ERICH6B: variants seen among roughly 807,000 people sequenced by gnomAD.
The protein encoded by ERICH6B is glutamate rich 6B, also known as glutamate-rich protein 6B.
A neutral mutation model predicts 80.0 loss-of-function variants in ERICH6B; 69 were observed. The observed-to-expected ratio is 0.86, with a 90% CI of 0.71 to 1.05. The LOEUF is 1.05. Among genes scored for constraint, ERICH6B ranks in the 50% least tolerant of loss-of-function variants. The probability of loss-of-function intolerance (pLI) is 0.00; values close to 1 mark genes in which losing one functional copy is unlikely to be tolerated. For synonymous variants in ERICH6B, 283 were observed against 291.9 expected (o/e 0.97, Z 0.31); for missense variants, 754 against 796.1 (o/e 0.95, Z 0.64).
At chr13:45,604,921 A>G (rs1322928660) in intron 2 of ERICH6B, among the ~76,000 whole-genome samples, 1 of 152,124 alleles carries the variant, frequency 6.6e-6, no homozygotes, top group Admixed American at 6.5e-5. Flanking sequence ...CAAAAGAACA[A>G]AACAAAACAA....
chr13:45,611,230 T>C (rs1251024596), intron 1 of ERICH6B, among the ~76,000 whole-genome samples: 1 of 152,200 alleles, frequency 6.6e-6, no homozygotes, highest in Admixed American at 6.5e-5. Flanking sequence ...AGCCAATGCA[T>C]TTTCCTTAAC....
intron 2 of ERICH6B, among the ~76,000 whole-genome samples, chr13:45,598,342 T>G (rs1225693700): frequency 2.0e-5 from 3 of 152,190 alleles, no homozygotes; most frequent in Admixed American, 6.5e-5. Context: ...AGTGACTGAA[T>G]GAAGGGCCAA....
chr13:45,545,090 T>A, intron 13 of ERICH6B, 105 bp from the exon 14 acceptor site: 1 of 943,000 alleles, frequency 1.1e-6, no homozygotes, highest in Non-Finnish European at 1.6e-6. Context: ...ACAGAAAGAC[T>A]GACAGGGACT....
intron 4 of ERICH6B, among the ~76,000 whole-genome samples, chr13:45,590,113 A>G (rs1876097226): frequency 6.6e-6 from 1 of 151,986 alleles, no homozygotes; most frequent in South Asian, 2.1e-4. Flanking sequence ...TCAAGGACAA[A>G]GCTTGTGACC....
Position 45,596,646 on chromosome 13 carries a change from C to A in ERICH6B, c.360G>T (p.Gly120=). 1.9e-6 allele frequency: 3 copies of A among 1,550,408 alleles called. No homozygotes were observed. Among genetic ancestry groups the A allele is most frequent in the Non-Finnish European group, 2.6e-6 (3 of 1,145,818 alleles). The change falls in exon 3 of 15, where the codon GGG becomes GGT. Residue 120 remains glycine, a synonymous_variant. Transcript: ENST00000298738. ...IEEEEYLGKE[G]YLEEEEYLGK... Reference sequence around the variant, plus strand: ...CCAGGTACTCTTCCTCCTCCAGATACCCTTCCTTCCCCAGATACTCTTCCT... The same window carrying A: ...CCAGGTACTCTTCCTCCTCCAGATAACCTTCCTTCCCCAGATACTCTTCCT...
At chr13:45,579,117 G>A (rs189895476) in intron 7 of ERICH6B, among the ~76,000 whole-genome samples, 42 of 152,330 alleles carry the variant, frequency 2.8e-4, no homozygotes, top group South Asian at 1.0e-3. Context: ...CCAGGTAGTT[G>A]TCCTGCACAT....
At chr13:45,546,875 C>T (rs2137957314) in intron 13 of ERICH6B, among the ~76,000 whole-genome samples, 1 of 152,314 alleles carries the variant, frequency 6.6e-6, no homozygotes, top group South Asian at 2.1e-4. Context: ...TCACTCAATC[C>T]CAAATCCTCC....
chr13:45,583,555 G>A (rs1875762351), intron 5 of ERICH6B, among the ~76,000 whole-genome samples: 1 of 152,158 alleles, frequency 6.6e-6, no homozygotes, highest in Non-Finnish European at 1.5e-5. Flanking sequence ...CATCTGATAT[G>A]GTTTGGCTGT....
In ERICH6B at chr13:45,544,802, A is replaced by C; in HGVS notation, c.1830T>G (p.Tyr610Ter). ...GGTTTAAACAAATCTGCTTCTGTTCATAGGTGAAGCAGAAGATGATCTTAT... is the reference window on the plus strand; with the variant it reads ...GGTTTAAACAAATCTGCTTCTGTTCCTAGGTGAAGCAGAAGATGATCTTAT... ...SQDKIIFCFT[Y>*]EQKQICLNLG... is the part of the protein sequence containing the mutation. The change falls in exon 14 of 15, where the codon TAT becomes TAG. Residue 610 changes from tyrosine (Y) to a stop codon, truncating the protein, a stop_gained. Coordinates refer to ENST00000298738, the MANE Select transcript of ERICH6B (RefSeq NM_182542.3). LOFTEE classifies it low-confidence loss of function (END_TRUNC). 6.4e-7 allele frequency: 1 copy of C among 1,551,682 alleles called. No homozygotes were observed. The highest frequency in any genetic ancestry group is 8.7e-7 in the Non-Finnish European group (1 of 1,146,972).
At chr13:45,543,612 T>C (rs78378492) in intron 14 of ERICH6B, among the ~76,000 whole-genome samples, 2,719 of 152,280 alleles carry the variant, frequency 0.018, 92 homozygotes, top group African/African-American at 0.061. Flanking sequence ...AGCAAGGAAG[T>C]GTCCCCCATT....
intron 8 of ERICH6B, among the ~76,000 whole-genome samples, chr13:45,571,562 G>A (rs141940525): frequency 6.6e-6 from 1 of 152,314 alleles, no homozygotes; most frequent in South Asian, 2.1e-4. Flanking sequence ...CTCCGTCTAA[G>A]GCTTCAACTG....
intron 3 of ERICH6B, among the ~76,000 whole-genome samples, chr13:45,595,942 G>A (rs1339111357): frequency 6.6e-6 from 1 of 151,868 alleles, no homozygotes; most frequent in Non-Finnish European, 1.5e-5. Flanking sequence ...ACTGCTCCTG[G>A]CCTGCTTATA....
chr13:45,566,438 G>T lies in ERICH6B; in HGVS notation c.1187+1877C>A, dbSNP rs538074136. Among the ~76,000 whole-genome samples the T allele has an allele frequency of 9.2e-5, 14 of 152,372 alleles. No homozygotes were observed. In the South Asian group the frequency reaches 2.9e-3, roughly 32 times the overall value. On this transcript the variant is annotated intron_variant, in intron 9 of 14. Transcript: ENST00000298738. ...CCATCACAGGCCTGAAGGCCTAGGA[G>T]GAAGAAATGGTTTCATGGGCCAGGC...
At chr13:45,558,548 A>C (rs1435900945) in intron 11 of ERICH6B, among the ~76,000 whole-genome samples, 4 of 152,150 alleles carry the variant, frequency 2.6e-5, no homozygotes, top group Admixed American at 1.3e-4. Flanking sequence ...TTCCCCATTC[A>C]GTATTATGTT....
At chr13:45,604,939 C>G (rs1337254653) in intron 2 of ERICH6B, among the ~76,000 whole-genome samples, 4 of 152,072 alleles carry the variant, frequency 2.6e-5, no homozygotes, top group Non-Finnish European at 5.9e-5. Context: ...CAAACCAAAT[C>G]CAAGAAGGTT....
chr13:45,568,049 G>T (rs1283732533), intron 9 of ERICH6B, among the ~76,000 whole-genome samples: 1 of 152,176 alleles, frequency 6.6e-6, no homozygotes, highest in Non-Finnish European at 1.5e-5. Context: ...GTCACCATCT[G>T]CCTTGATCTT....
intron 7 of ERICH6B, among the ~76,000 whole-genome samples, chr13:45,578,678 G>C (rs1342225517): frequency 6.6e-6 from 1 of 152,174 alleles, no homozygotes; most frequent in Non-Finnish European, 1.5e-5. Context: ...TGGGCTGGTG[G>C]CTGCTATGGA....
chr13:45,553,761 C>T lies in ERICH6B; in HGVS notation c.1408-3445G>A, dbSNP rs182993099. Among the ~76,000 whole-genome samples the T allele has an allele frequency of 1.3e-3, 199 of 152,226 alleles. 2 individuals carry two copies. Among genetic ancestry groups the T allele is most frequent in the African/African-American group, 4.5e-3 (189 of 41,540 alleles). On this transcript the variant is annotated intron_variant, in intron 11 of 14. Transcript: ENST00000298738. ...TGCCTCTAACCATTAAGCTCCCAGCCACCTGCGACATTTAGTATACAAAGC... is the reference window on the plus strand; with the variant it reads ...TGCCTCTAACCATTAAGCTCCCAGCTACCTGCGACATTTAGTATACAAAGC...
At chr13:45,605,325 C>T (rs191641475) in intron 2 of ERICH6B, among the ~76,000 whole-genome samples, 1 of 152,340 alleles carries the variant, frequency 6.6e-6, no homozygotes, top group African/African-American at 2.4e-5. Context: ...TTTTTCTTCT[C>T]CTTTTATCTA....
Sources: gnomAD v4.1 joint callset for allele counts (sites outside exome capture counted in the v4.1 genomes callset) on GRCh38, gnomAD v4.1.1 for gene constraint, MANE v1.5 for transcripts, NCBI Gene and HGNC (gene_info 2026-07-23, HGNC 2026-07-21) for gene names.